The following RABGAP1L variants were observed in gnomAD, a reference collection of about 807,000 sequenced individuals.
The protein encoded by RABGAP1L is RAB GTPase activating protein 1 like.
RABGAP1L carries 63 observed loss-of-function variants against 137.7 expected under a neutral mutation model. The ratio of observed to expected loss-of-function variants is 0.46; its 90% CI spans 0.37 to 0.56. RABGAP1L has a LOEUF of 0.56. RABGAP1L is among the 20% of genes least tolerant of loss of function. RABGAP1L has a pLI of 0.00. For synonymous variants in RABGAP1L, 431 were observed against 433.7 expected, an observed-to-expected ratio of 0.99 and a Z score of 0.08; for missense variants, 1,095 against 1,244.0, an observed-to-expected ratio of 0.88 and a Z score of 1.80.
chr1:174,547,543 G>C (rs1032059725), intron 13 of RABGAP1L, among the ~76,000 whole-genome samples: 3 of 152,180 alleles, frequency 2.0e-5, no homozygotes, highest in African/African-American at 7.2e-5. Context: ...CCTGAGCACA[G>C]GAAGTTGAGG....
chr1:174,436,630 C>G (rs1653351908), intron 13 of RABGAP1L, among the ~76,000 whole-genome samples: 1 of 152,168 alleles, frequency 6.6e-6, no homozygotes, highest in African/African-American at 2.4e-5. Flanking sequence ...ATGGTAGTTT[C>G]TTTTGCTGTG....
At chr1:174,522,793 G>A (rs1374248711) in intron 13 of RABGAP1L, among the ~76,000 whole-genome samples, 1 of 152,004 alleles carries the variant, frequency 6.6e-6, no homozygotes, top group African/African-American at 2.4e-5. Flanking sequence ...AGAGAGAGGT[G>A]GGAAATGCCA....
At chr1:174,632,421 T>G (rs1169477713) in intron 13 of RABGAP1L, among the ~76,000 whole-genome samples, 1 of 148,824 alleles carries the variant, frequency 6.7e-6, no homozygotes, top group Non-Finnish European at 1.5e-5. Context: ...CTGTATTTCC[T>G]GAATCTGAAT....
rs575192377 is a variant in RABGAP1L, at chr1:174,406,245, C to T, written c.1710+12100C>T. Among the ~76,000 whole-genome samples the T allele has an allele frequency of 2.0e-5, 3 of 152,192 alleles. No homozygotes were observed. The East Asian group carries it at 5.8e-4, about 29-fold the overall frequency. Reference sequence around the variant, plus strand: ...AGAAGTAACAGTTTTCTTCTCAACTCTCCAACACTGTGTATAAAATTTAAA... The same window carrying T: ...AGAAGTAACAGTTTTCTTCTCAACTTTCCAACACTGTGTATAAAATTTAAA... On this transcript the variant is annotated intron_variant, in intron 13 of 25. Coordinates refer to ENST00000681986, the MANE Select transcript of RABGAP1L (RefSeq NM_001366446.1).
chr1:174,938,120 G>A (rs1665219036), intron 19 of RABGAP1L, among the ~76,000 whole-genome samples: 1 of 151,884 alleles, frequency 6.6e-6, no homozygotes, highest in Middle Eastern at 3.2e-3. Context: ...GATGTAGAGG[G>A]GAAATGGGTA....
At chr1:174,982,711 C>A in intron 23 of RABGAP1L, 123 bp from the exon 24 acceptor site, 1 of 969,346 alleles carries the variant, frequency 1.0e-6, no homozygotes, top group Non-Finnish European at 1.5e-6. Flanking sequence ...CAGTGCTATT[C>A]ATTTGTAAAA....
intron 13 of RABGAP1L, among the ~76,000 whole-genome samples, chr1:174,490,776 G>A (rs1660145216): frequency 6.6e-6 from 1 of 152,058 alleles, no homozygotes; most frequent in African/African-American, 2.4e-5. Context: ...CTGAGCCTAA[G>A]CCACGAGTCA....
rs1323086546 is a variant in RABGAP1L at position 174,195,662 on chromosome 1, CCTTTCCTTTCCTTCTTTCCTTCTTTCCTT to C, written c.-33-23454_-33-23426del. Among the ~76,000 whole-genome samples the C allele has an allele frequency of 1.4e-4, 14 of 102,284 alleles. 1 individual carries two copies. The East Asian group carries it at 2.9e-3, about 21-fold the overall frequency. The allele number at this position is 102,284 out of a possible 152,430, so 67.1% of individuals were successfully genotyped here. A position where few individuals can be genotyped will look rare whatever the true frequency, so the allele number is the denominator to read the frequency against. ...CTTCCTTCCTTCCTTCCTTTCCTTT[CCTTTCCTTTCCTTCTTTCCTTCTTTCCTT>C]CTTTCCTTCTTTCCTTCTTTCTTTT... is the stretch of plus-strand genomic sequence containing the variant. On this transcript the variant is annotated intron_variant, in intron 1 of 25. Coordinates refer to ENST00000681986, the MANE Select transcript of RABGAP1L (RefSeq NM_001366446.1).
intron 13 of RABGAP1L, among the ~76,000 whole-genome samples, chr1:174,543,718 T>C (rs1011544124): frequency 3.3e-5 from 5 of 152,246 alleles, no homozygotes; most frequent in Admixed American, 2.0e-4. Context: ...GGCATGTTTT[T>C]GCAGTGGCTG....
At chr1:174,302,311 A>T (rs1015157660) in intron 10 of RABGAP1L, among the ~76,000 whole-genome samples, 1 of 152,240 alleles carries the variant, frequency 6.6e-6, no homozygotes, top group Non-Finnish European at 1.5e-5. Flanking sequence ...AATGATAACA[A>T]GAAATAACAC....
intron 18 of RABGAP1L, among the ~76,000 whole-genome samples, chr1:174,775,023 T>C (rs749373895): frequency 6.6e-6 from 1 of 152,238 alleles, no homozygotes; most frequent in Non-Finnish European, 1.5e-5. Flanking sequence ...TCAGGTTCTA[T>C]AATGAATTTG....
chr1:174,702,315 G>A (rs931801074), intron 17 of RABGAP1L, 59 bp downstream of exon 17: 3 of 1,425,176 alleles, frequency 2.1e-6, no homozygotes, highest in South Asian at 1.5e-5. Context: ...ACTAAAAATG[G>A]TTACAGTTTT....
chr1:174,354,601 T>C (rs1266931684), intron 11 of RABGAP1L, among the ~76,000 whole-genome samples: 1 of 152,168 alleles, frequency 6.6e-6, no homozygotes, highest in Non-Finnish European at 1.5e-5. Flanking sequence ...TTCCTCCCAT[T>C]TTGTAGGTTG....
At chr1:174,263,417 T>C (rs1673770284) in intron 7 of RABGAP1L, among the ~76,000 whole-genome samples, 1 of 152,240 alleles carries the variant, frequency 6.6e-6, no homozygotes, top group South Asian at 2.1e-4. Flanking sequence ...TTAATAATTC[T>C]TTATAGTAAA....
At chr1:174,281,273 T>G (rs1365656462) in intron 10 of RABGAP1L, among the ~76,000 whole-genome samples, 1 of 151,754 alleles carries the variant, frequency 6.6e-6, no homozygotes, top group Non-Finnish European at 1.5e-5. Context: ...ATTGGTCCAT[T>G]TTACAGAGCA....
chr1:174,908,525 A>G (rs910120137), intron 19 of RABGAP1L, among the ~76,000 whole-genome samples: 5 of 150,996 alleles, frequency 3.3e-5, no homozygotes, highest in African/African-American at 1.2e-4. Flanking sequence ...TAAGTAAGTT[A>G]AACAACATAT....
intron 14 of RABGAP1L, among the ~76,000 whole-genome samples, chr1:174,672,956 A>G (rs1231332617): frequency 1.3e-5 from 2 of 152,154 alleles, no homozygotes; most frequent in African/African-American, 4.8e-5. Flanking sequence ...CATACAGGCT[A>G]CTGTATTCAG....
At chr1:174,454,931 C>T (rs1309907289) in intron 13 of RABGAP1L, among the ~76,000 whole-genome samples, 1 of 152,092 alleles carries the variant, frequency 6.6e-6, no homozygotes, top group African/African-American at 2.4e-5. Flanking sequence ...GATGGCTCTG[C>T]GTTAGGAAAT....
At position 174,535,946 on chromosome 1, in the gene RABGAP1L, G is replaced by A. The variant is rs1434843723; in HGVS notation, c.1711-101429G>A. ...TTTTCTTCAGTTTTATTCTGTTACA[G>A]GACAGTGCCTGCACATTAGTAGGCA... On this transcript the variant is annotated intron_variant, in intron 13 of 25. Coordinates refer to ENST00000681986, the MANE Select transcript of RABGAP1L (RefSeq NM_001366446.1). 2.6e-5 allele frequency among the ~76,000 whole-genome samples: 4 copies of A among 152,170 alleles called. No homozygotes were observed. The East Asian group carries it at 5.8e-4, about 22-fold the overall frequency.
Sources: allele counts gnomAD v4.1 joint callset (sites outside exome capture counted in the v4.1 genomes callset), GRCh38; gene constraint gnomAD v4.1.1; transcripts MANE v1.5; gene names NCBI Gene and HGNC (gene_info 2026-07-23, HGNC 2026-07-21).